Variants in VPS13C observed in about 807,000 individuals in gnomAD.
VPS13C encodes vacuolar protein sorting 13 homolog C.
A neutral mutation model predicts 456.8 loss-of-function variants in VPS13C; 358 were observed. The observed-to-expected ratio is 0.78, with a 90% CI of 0.72 to 0.86. The LOEUF is 0.86. VPS13C is among the 40% of genes least tolerant of loss of function. VPS13C has a pLI of 0.00. For missense variants in VPS13C, 4,818 were observed against 4,385.4 expected (o/e 1.10, Z -2.79); for synonymous variants, 1,578 against 1,486.7 (o/e 1.06, Z -1.41).
At chr15:62,059,981 G>A (rs1002470839) in intron 1 of VPS13C, among the ~76,000 whole-genome samples, 1 of 152,238 alleles carries the variant, frequency 6.6e-6, no homozygotes, top group Admixed American at 6.5e-5. Flanking sequence ...GCAGCGAGAG[G>A]ACCACAGAAA....
At position 61,978,717 on chromosome 15, in the gene VPS13C, A is replaced by C. The variant is rs2045785316; in HGVS notation, c.2199T>G (p.Thr733=). ...TTATTTCTTCCAGAGATGAATTAGTAGTCTTCTGTAAACCTTGATCTTTAC... is the reference window on the plus strand; with the variant it reads ...TTATTTCTTCCAGAGATGAATTAGTCGTCTTCTGTAAACCTTGATCTTTAC... The part of the protein sequence containing the change: ...LNSKDQGLQK[T]TNSSLEEIMD... Residue 733 remains threonine, a synonymous_variant, in exon 23 of 85, where the codon ACT becomes ACG. Transcript: ENST00000644861. 1.2e-6 allele frequency: 2 copies of C among 1,610,240 alleles called. No homozygotes were observed. Among genetic ancestry groups the C allele is most frequent in the Non-Finnish European group, 1.7e-6 (2 of 1,178,682 alleles).
intron 2 of VPS13C, among the ~76,000 whole-genome samples, chr15:62,041,719 C>G (rs933862623): frequency 1.3e-5 from 2 of 151,962 alleles, no homozygotes; most frequent in African/African-American, 4.8e-5. Context: ...AATCAGGAGG[C>G]TGAGGCAGGA....
In VPS13C at chr15:61,934,757, A is replaced by G. The variant is rs141403376; in HGVS notation, c.5756-426T>C. ...CACTAACTTTATTTTATTTTATTTT[A>G]TTTTATTTTTTGAGACAGAGTCTCG... On this transcript the variant is annotated intron_variant, in intron 48 of 84. Coordinates refer to ENST00000644861, the MANE Select transcript of VPS13C (RefSeq NM_020821.3). Among the ~76,000 whole-genome samples the G allele has an allele frequency of 3.3e-3, 509 of 151,960 alleles. 2 individuals are homozygous for G. The highest frequency in any genetic ancestry group is 0.012 in the African/African-American group (490 of 41,444).
At position 61,915,881 on chromosome 15, in the gene VPS13C, G is replaced by C; in HGVS notation, c.8197C>G (p.Leu2733Val). The change falls in exon 61 of 85, where the codon CTA (leucine) becomes GTA (valine). Residue 2733 changes from leucine (L) to valine (V), a missense_variant. Transcript: ENST00000644861. The stretch of plus-strand genomic sequence containing the variant: ...AAACACACAGGAAAGAATTCTGGTA[G>C]TGTATCACGTATGCGGAAATGTCCA... ...WNGHFRIRDT[L>V]PEFFPVCFSS... 6.2e-7 allele frequency: 1 copy of C among 1,614,000 alleles called. No individual in the cohort carries two copies. Among genetic ancestry groups the C allele is most frequent in the East Asian group, 2.2e-5 (1 of 44,868 alleles).
chr15:61,982,580 G>GA lies in VPS13C; in HGVS notation c.1915-8dup, dbSNP rs777547493. ...CCACTGCATTGACAGTTTTCTATAA[G>GA]AAAATTTTTTTAACATAACCAAGTT... On this transcript the variant is annotated splice_region_variant and splice_polypyrimidine_tract_variant and intron_variant, in intron 20 of 84. Coordinates refer to ENST00000644861, the MANE Select transcript of VPS13C (RefSeq NM_020821.3). 11 of 1,590,284 alleles carry GA rather than the reference G, an allele frequency of 6.9e-6. No homozygotes were observed. In the African/African-American group the frequency reaches 1.2e-4, roughly 18 times the overall value.
rs1478792427 is a variant in VPS13C at position 61,877,429 on chromosome 15, T to C, written c.10143-375A>G. Reference sequence around the variant, plus strand: ...TGTGGAAAAGTATTTCTCTATGTTATTTAAAACTTGACATAACCATTTTTA... The same window carrying C: ...TGTGGAAAAGTATTTCTCTATGTTACTTAAAACTTGACATAACCATTTTTA... On this transcript the variant is annotated intron_variant, in intron 74 of 84. Transcript: ENST00000644861. Among the ~76,000 whole-genome samples the C allele has an allele frequency of 2.6e-5, 4 of 152,050 alleles. No individual in the cohort carries two copies. In the East Asian group the frequency reaches 7.7e-4, roughly 29 times the overall value.
chr15:61,862,861 C>T (rs1402991941), intron 82 of VPS13C, among the ~76,000 whole-genome samples: 1 of 152,076 alleles, frequency 6.6e-6, no homozygotes. Flanking sequence ...TAAAGCTCAA[C>T]ACTAAGAAAG....
At chr15:62,042,495 A>G (rs912437008) in intron 2 of VPS13C, among the ~76,000 whole-genome samples, 8 of 152,094 alleles carry the variant, frequency 5.3e-5, no homozygotes, top group Non-Finnish European at 1.0e-4. Flanking sequence ...ATGCTATTAT[A>G]ATAGCTTTAG....
chr15:61,941,562 T>C (rs1054248069), intron 46 of VPS13C, among the ~76,000 whole-genome samples: 1 of 152,118 alleles, frequency 6.6e-6, no homozygotes, highest in Non-Finnish European at 1.5e-5. Flanking sequence ...ATATTACATA[T>C]GTAGTAAGGG....
At chr15:61,990,840 A>G (rs1035710283) in intron 18 of VPS13C, among the ~76,000 whole-genome samples, 160 bp downstream of exon 18, 31 of 152,178 alleles carry the variant, frequency 2.0e-4, no homozygotes, top group Non-Finnish European at 4.3e-4. Context: ...AGTTAGAGAG[A>G]GAATTTTAAT....
intron 1 of VPS13C, among the ~76,000 whole-genome samples, chr15:62,058,867 C>G (rs571733136): frequency 6.6e-6 from 1 of 151,712 alleles, no homozygotes; most frequent in Non-Finnish European, 1.5e-5. Flanking sequence ...CAATGAGCTA[C>G]GATCTTGCCA....
intron 47 of VPS13C, among the ~76,000 whole-genome samples, chr15:61,937,771 T>C (rs1011931454): frequency 6.6e-6 from 1 of 152,072 alleles, no homozygotes; most frequent in Non-Finnish European, 1.5e-5. Context: ...AGTTTCTTAA[T>C]CTCTAAAATA....
At chr15:62,021,313 A>G (rs1417134223) in intron 8 of VPS13C, among the ~76,000 whole-genome samples, 2 of 151,948 alleles carry the variant, frequency 1.3e-5, no homozygotes, top group African/African-American at 2.4e-5. Flanking sequence ...AAAGGCTTTC[A>G]TACTTGGAAA....
At chr15:61,859,314 G>C (rs72747855) in intron 82 of VPS13C, among the ~76,000 whole-genome samples, 2,615 of 152,166 alleles carry the variant, frequency 0.017, 89 homozygotes, top group African/African-American at 0.06. Context: ...AGTGAATCAC[G>C]ATCGAGCCAC....
chr15:61,915,066 A>T (rs920524692), intron 61 of VPS13C, among the ~76,000 whole-genome samples: 8 of 152,048 alleles, frequency 5.3e-5, no homozygotes, highest in Non-Finnish European at 1.2e-4. Flanking sequence ...GATATCAGGA[A>T]CGATGAAGAA....
intron 71 of VPS13C, among the ~76,000 whole-genome samples, 176 bp from the exon 72 acceptor site, chr15:61,881,130 T>G (rs1895819461): frequency 6.6e-6 from 1 of 152,094 alleles, no homozygotes; most frequent in African/African-American, 2.4e-5. Context: ...GAGTGAAAGC[T>G]TCACTCAAGG....
At chr15:62,024,690 T>C (rs1047561369) in intron 6 of VPS13C, among the ~76,000 whole-genome samples, 18 of 152,254 alleles carry the variant, frequency 1.2e-4, no homozygotes, top group East Asian at 7.7e-4. Flanking sequence ...CTCTGCAACC[T>C]TCCAGACATA....
At chr15:61,892,628 G>T (rs1377582017) in intron 66 of VPS13C, among the ~76,000 whole-genome samples, 1 of 151,950 alleles carries the variant, frequency 6.6e-6, no homozygotes, top group Non-Finnish European at 1.5e-5. Flanking sequence ...GGGAACCATG[G>T]CCTCCCCAAA....
intron 15 of VPS13C, among the ~76,000 whole-genome samples, chr15:62,002,756 G>C (rs1324821463): frequency 6.6e-6 from 1 of 152,132 alleles, no homozygotes; most frequent in Non-Finnish European, 1.5e-5. Context: ...AGTTTTCCCA[G>C]CACCATTTAT....
Sources: allele counts gnomAD v4.1 joint callset (sites outside exome capture counted in the v4.1 genomes callset), GRCh38; gene constraint gnomAD v4.1.1; transcripts MANE v1.5; gene names NCBI Gene and HGNC (gene_info 2026-07-23, HGNC 2026-07-21).